Variants in SATB2 observed in about 807,000 individuals in gnomAD.
The protein encoded by SATB2 is DNA-binding protein SATB2.
SATB2 carries 1 observed loss-of-function variant against 73.4 expected under a neutral mutation model. The ratio of observed to expected loss-of-function variants is 0.01; its 90% CI spans 0.00 to 0.06. SATB2 has a LOEUF of 0.06. Ranked by LOEUF, SATB2 falls within the 10% of genes least tolerant of loss-of-function variation. SATB2 has a pLI of 1.00. For missense variants in SATB2, 459 were observed against 945.8 expected (o/e 0.49, Z 6.75); for synonymous variants, 397 against 367.0 (o/e 1.08, Z -0.93).
rs187832678 is a variant in SATB2 at position 199,382,154 on chromosome 2, C to A, written c.347-334G>T. The stretch of plus-strand genomic sequence containing the variant: ...TAAGGCTGATGCTAAATATACAGGA[C>A]TGCTGATTTCATAGACAAAAAAAAA... On this transcript the variant is annotated intron_variant, in intron 3 of 10. Transcript: ENST00000417098. Among the ~76,000 whole-genome samples, 6 of 152,196 alleles carry A rather than the reference C, an allele frequency of 3.9e-5. No individual in the cohort carries two copies. In the East Asian group the frequency reaches 1.2e-3, roughly 29 times the overall value.
At chr2:199,282,801 T>C (rs561228763) in intron 10 of SATB2, among the ~76,000 whole-genome samples, 116 of 152,348 alleles carry the variant, frequency 7.6e-4, no homozygotes, top group Non-Finnish European at 1.4e-3. Context: ...TAGGCACATC[T>C]ACTGATAACT....
rs116585116 is a variant in SATB2 at position 199,349,185 on chromosome 2, T to G, written c.701-12A>C. On this transcript the variant is annotated splice_polypyrimidine_tract_variant and intron_variant, in intron 6 of 10. Coordinates refer to ENST00000417098, the MANE Select transcript of SATB2 (RefSeq NM_001172509.2). ...TTCCACTCTTTCCACTGTTAAGAGA[T>G]AAAAGTGATAATTAATCATTATTTT... The G allele has an allele frequency of 2.5e-3, 3,886 of 1,564,460 alleles. 6 individuals carry two copies. Among genetic ancestry groups the G allele is most frequent in the Non-Finnish European group, 3.2e-3 (3,638 of 1,138,604 alleles).
intron 2 of SATB2, among the ~76,000 whole-genome samples, chr2:199,442,870 T>G (rs930777604): frequency 3.3e-5 from 5 of 152,186 alleles, no homozygotes; most frequent in African/African-American, 7.2e-5. Context: ...CAAGCCTAAA[T>G]TCTTCAGGTT....
At chr2:199,424,568 A>G (rs947826509) in intron 3 of SATB2, among the ~76,000 whole-genome samples, 3 of 152,212 alleles carry the variant, frequency 2.0e-5, no homozygotes, top group Non-Finnish European at 4.4e-5. Flanking sequence ...CACTGTATCA[A>G]AGAAAATCTG....
intron 6 of SATB2, among the ~76,000 whole-genome samples, chr2:199,350,380 G>C (rs993408105): frequency 2.3e-4 from 35 of 151,898 alleles, no homozygotes; most frequent in Admixed American, 1.4e-3. Context: ...AAAAAATTTA[G>C]GCAGAAATGA....
At position 199,277,120 on chromosome 2, in the gene SATB2, G is replaced by C. The variant is rs551299187; in HGVS notation, c.1741-4448C>G. ...AGGAAAAACAAATTAATATAAAAGA[G>C]TAGAAAAAAATAGGAAAAGCCTGCA... is the stretch of plus-strand genomic sequence containing the variant. On this transcript the variant is annotated intron_variant, in intron 10 of 10. Transcript: ENST00000417098. Among the ~76,000 whole-genome samples, 4 of 152,238 alleles carry C rather than the reference G, an allele frequency of 2.6e-5. No homozygotes were observed. The East Asian group carries it at 7.7e-4, about 29-fold the overall frequency.
chr2:199,375,633 T>A (rs925731682), intron 5 of SATB2, among the ~76,000 whole-genome samples: 1 of 152,164 alleles, frequency 6.6e-6, no homozygotes, highest in Admixed American at 6.5e-5. Context: ...CAAACTCAAG[T>A]GAAGAATCAC....
At chr2:199,326,846 A>G (rs2105792707) in intron 8 of SATB2, among the ~76,000 whole-genome samples, 1 of 152,302 alleles carries the variant, frequency 6.6e-6, no homozygotes, top group Non-Finnish European at 1.5e-5. Context: ...TGGTTCAAAC[A>G]GTAACTAAAA....
At chr2:199,332,234 A>G (rs1310278507) in intron 7 of SATB2, among the ~76,000 whole-genome samples, 4 of 152,158 alleles carry the variant, frequency 2.6e-5, no homozygotes, top group Non-Finnish European at 5.9e-5. Flanking sequence ...CCAGGGACAC[A>G]TTAAAACAAT....
intron 2 of SATB2, among the ~76,000 whole-genome samples, chr2:199,453,744 T>C (rs1401347268): frequency 1.3e-5 from 2 of 152,024 alleles, no homozygotes; most frequent in Non-Finnish European, 2.9e-5. Context: ...CTTTGTACTA[T>C]CAAAATCTTA....
chr2:199,395,178 G>T (rs2105885723), intron 3 of SATB2, among the ~76,000 whole-genome samples: 1 of 151,886 alleles, frequency 6.6e-6, no homozygotes, highest in African/African-American at 2.4e-5. Context: ...CACCTTAGTG[G>T]GCCCCAGTTT....
intron 7 of SATB2, chr2:199,329,238 G>A: frequency 2.9e-6 from 1 of 346,334 alleles, no homozygotes; most frequent in Non-Finnish European, 5.5e-6. Flanking sequence ...AGTATTTCAG[G>A]AACTGTTAGA....
At chr2:199,426,711 A>T (rs1691343971) in intron 3 of SATB2, among the ~76,000 whole-genome samples, 1 of 146,148 alleles carries the variant, frequency 6.8e-6, no homozygotes, top group Non-Finnish European at 1.5e-5. Flanking sequence ...AAAAAAAAAA[A>T]GAAAAGAAAA....
At chr2:199,315,550 TAC>T (rs1430708000) in intron 9 of SATB2, among the ~76,000 whole-genome samples, 1 of 152,106 alleles carries the variant, frequency 6.6e-6, no homozygotes, top group Non-Finnish European at 1.5e-5. Context: ...TGCCACTGCA[TAC>T]AAAGTGGCTT....
chr2:199,329,088 G>C (rs757660491), intron 7 of SATB2, 178 bp from the exon 8 acceptor site: 12 of 663,242 alleles, frequency 1.8e-5, no homozygotes, highest in Admixed American at 1.1e-4. Context: ...CCTTCCGGGG[G>C]ATATGCATTA....
intron 2 of SATB2, among the ~76,000 whole-genome samples, chr2:199,445,637 AT>A (rs1466168243): frequency 6.6e-6 from 1 of 152,186 alleles, no homozygotes; most frequent in Non-Finnish European, 1.5e-5. Flanking sequence ...CTAGAGATTC[AT>A]TTGAGAAGGA....
intron 7 of SATB2, among the ~76,000 whole-genome samples, chr2:199,337,881 G>A (rs573800860): frequency 1.2e-3 from 176 of 152,276 alleles, no homozygotes; most frequent in African/African-American, 4.0e-3. Context: ...AAATGACCAT[G>A]AAAGGAAAAC....
At chr2:199,383,172 C>A (rs1223908939) in intron 3 of SATB2, among the ~76,000 whole-genome samples, 2 of 152,192 alleles carry the variant, frequency 1.3e-5, no homozygotes, top group African/African-American at 4.8e-5. Context: ...AGTGCCTGGA[C>A]TCAGATCCAA....
intron 2 of SATB2, among the ~76,000 whole-genome samples, chr2:199,448,694 T>C (rs755234876): frequency 6.6e-6 from 1 of 152,198 alleles, no homozygotes; most frequent in Non-Finnish European, 1.5e-5. Context: ...ACTGAGCTGC[T>C]GTGCACATTT....
Sources: gnomAD v4.1 joint callset for allele counts (sites outside exome capture counted in the v4.1 genomes callset) on GRCh38, gnomAD v4.1.1 for gene constraint, MANE v1.5 for transcripts, NCBI Gene and HGNC (gene_info 2026-07-23, HGNC 2026-07-21) for gene names.